Variants in CHRM3 observed in about 807,000 individuals in gnomAD.
CHRM3 encodes cholinergic receptor muscarinic 3.
In CHRM3, 11 loss-of-function variants were observed where a neutral mutation model predicts 41.8. The observed-to-expected ratio is 0.26, with a 90% confidence interval of 0.17 to 0.44. The LOEUF (loss-of-function observed/expected upper bound fraction) is 0.44. Ranked by LOEUF, CHRM3 falls within the 20% of genes least tolerant of loss-of-function variation. The pLI is 1.00. For missense variants in CHRM3, 571 were observed against 745.4 expected (o/e 0.77, Z 2.72); for synonymous variants, 297 against 301.4 (o/e 0.99, Z 0.15).
intron 1 of CHRM3, among the ~76,000 whole-genome samples, chr1:239,445,363 A>G (rs770040649): frequency 6.6e-6 from 1 of 152,132 alleles, no homozygotes; most frequent in Non-Finnish European, 1.5e-5. Context: ...CTTAACAGAG[A>G]GTGATCAGCC....
At chr1:239,851,930 G>A (rs1003290078) in intron 6 of CHRM3, among the ~76,000 whole-genome samples, 2 of 152,096 alleles carry the variant, frequency 1.3e-5, no homozygotes, top group Non-Finnish European at 2.9e-5. Context: ...TATTAGAGGT[G>A]AAGACTCTCA....
At chr1:239,621,487 T>C (rs565494800) in intron 3 of CHRM3, among the ~76,000 whole-genome samples, 1 of 152,216 alleles carries the variant, frequency 6.6e-6, no homozygotes, top group East Asian at 1.9e-4. Context: ...GTTAGCCAAG[T>C]TGTGAATGCA....
At position 239,386,841 on chromosome 1, in the gene CHRM3, G is replaced by C. The variant is rs2102886738; in HGVS notation, c.-907G>C. On this transcript the variant is annotated 5_prime_UTR_variant, in exon 1 of 7. Coordinates refer to ENST00000676153, the MANE Select transcript of CHRM3 (RefSeq NM_001375978.1). Reference sequence around the variant, plus strand: ...AGAAAGGGCCGGAGCGTGCAGGGGAGCACAGGGCGCGGGGGCGGCACTGCC... The same window carrying C: ...AGAAAGGGCCGGAGCGTGCAGGGGACCACAGGGCGCGGGGGCGGCACTGCC... 1 of 152,254 alleles carries C rather than the reference G, an allele frequency of 6.6e-6. No individual in the cohort carries two copies. The highest frequency in any genetic ancestry group is 1.9e-4 in the East Asian group (1 of 5,140). 9.4% of individuals were successfully genotyped at this position (152,254 alleles called of 1,614,324 possible).
intron 2 of CHRM3, among the ~76,000 whole-genome samples, chr1:239,510,537 G>T (rs898362895): frequency 1.3e-5 from 2 of 150,952 alleles, no homozygotes; most frequent in African/African-American, 4.9e-5. Context: ...TAACCCCTCA[G>T]ATTTTTTTTT....
intron 6 of CHRM3, among the ~76,000 whole-genome samples, chr1:239,838,587 T>A (rs1389055896): frequency 6.6e-6 from 1 of 152,218 alleles, no homozygotes; most frequent in Non-Finnish European, 1.5e-5. Context: ...AAAGTTTATC[T>A]TATTGTATAG....
intron 2 of CHRM3, among the ~76,000 whole-genome samples, chr1:239,498,293 G>A (rs1010308388): frequency 1.1e-4 from 16 of 152,146 alleles, no homozygotes; most frequent in African/African-American, 1.9e-4. Context: ...CTATGATTGA[G>A]AGGTTTTAAA....
intron 3 of CHRM3, among the ~76,000 whole-genome samples, chr1:239,560,881 C>T (rs1229401662): frequency 6.6e-6 from 1 of 152,028 alleles, no homozygotes; most frequent in Non-Finnish European, 1.5e-5. Context: ...TCCCACACCT[C>T]CCCCAAACTT....
At chr1:239,869,656 G>T (rs1310065867) in intron 6 of CHRM3, among the ~76,000 whole-genome samples, 1 of 152,006 alleles carries the variant, frequency 6.6e-6, no homozygotes, top group Non-Finnish European at 1.5e-5. Flanking sequence ...TTCTTCCTCT[G>T]ACCCCCCCAG....
chr1:239,837,091 GA>G (rs999471439), intron 6 of CHRM3, among the ~76,000 whole-genome samples: 3 of 152,162 alleles, frequency 2.0e-5, no homozygotes, highest in Admixed American at 6.5e-5. Context: ...GTTGTAAGCA[GA>G]AAAAAATGCA....
chr1:239,618,379 G>C (rs1429951939), intron 3 of CHRM3, among the ~76,000 whole-genome samples: 3 of 147,924 alleles, frequency 2.0e-5, no homozygotes, highest in Non-Finnish European at 3.0e-5. Flanking sequence ...TGCAGCTTCA[G>C]TCATGGGTGG....
At chr1:239,835,174 A>G (rs1418792622) in intron 6 of CHRM3, among the ~76,000 whole-genome samples, 5 of 152,214 alleles carry the variant, frequency 3.3e-5, no homozygotes, top group Non-Finnish European at 7.3e-5. Context: ...TAAATAATAA[A>G]TCACATGGAG....
At chr1:239,814,886 TTCTC>T (rs1671446843) in intron 5 of CHRM3, among the ~76,000 whole-genome samples, 1 of 152,188 alleles carries the variant, frequency 6.6e-6, no homozygotes. Flanking sequence ...CTTCAAGCGA[TTCTC>T]CTGCCCAGAC....
intron 5 of CHRM3, among the ~76,000 whole-genome samples, chr1:239,754,477 G>C (rs188346220): frequency 1.2e-3 from 186 of 152,278 alleles, no homozygotes; most frequent in African/African-American, 4.2e-3. Flanking sequence ...GAATATTTTT[G>C]GTTCTCCCAA....
At chr1:239,564,472 TC>T (rs906448676) in intron 3 of CHRM3, among the ~76,000 whole-genome samples, 1 of 152,184 alleles carries the variant, frequency 6.6e-6, no homozygotes, top group African/African-American at 2.4e-5. Context: ...ATTTTAATTA[TC>T]CCAATATATT....
chr1:239,614,172 A>T (rs1667374213), intron 3 of CHRM3, among the ~76,000 whole-genome samples: 2 of 152,118 alleles, frequency 1.3e-5, no homozygotes, highest in East Asian at 1.9e-4. Flanking sequence ...GTCTCTAATA[A>T]TAATGATAAT....
At position 239,909,371 on chromosome 1, in the gene CHRM3, A is replaced by C; in HGVS notation, c.*147A>C. 1 of 713,488 alleles carries C rather than the reference A, an allele frequency of 1.4e-6. No homozygotes were observed. The highest frequency in any genetic ancestry group is 2.3e-6 in the Non-Finnish European group (1 of 443,300). The allele number at this position is 713,488 out of a possible 1,614,324, so 44.2% of individuals were successfully genotyped here. ...AAAGAAGCTGCCTGTTTACTGATCC[A>C]TTGAATAAACCCATTTTAATAGAAA... On this transcript the variant is annotated 3_prime_UTR_variant, in exon 7 of 7. Transcript: ENST00000676153.
intron 1 of CHRM3, among the ~76,000 whole-genome samples, chr1:239,439,420 T>G (rs1663530165): frequency 6.6e-6 from 1 of 152,164 alleles, no homozygotes; most frequent in East Asian, 1.9e-4. Context: ...TGATATTTCC[T>G]GCGGACAGTA....
chr1:239,843,498 C>T (rs1674008444), intron 6 of CHRM3, among the ~76,000 whole-genome samples: 1 of 78,232 alleles, frequency 1.3e-5, no homozygotes, highest in African/African-American at 4.8e-5. Context: ...TTATCATTTG[C>T]TTTAATATAG....
chr1:239,408,834 C>A (rs932984346), intron 1 of CHRM3, among the ~76,000 whole-genome samples: 1 of 151,002 alleles, frequency 6.6e-6, no homozygotes, highest in African/African-American at 2.4e-5. Flanking sequence ...GTTACCCAGG[C>A]TGGTCCTAAA....
Sources: gnomAD v4.1 joint callset for allele counts (sites outside exome capture counted in the v4.1 genomes callset) on GRCh38, gnomAD v4.1.1 for gene constraint, MANE v1.5 for transcripts, NCBI Gene and HGNC (gene_info 2026-07-23, HGNC 2026-07-21) for gene names.